Variants in PARD3B observed in about 807,000 individuals in gnomAD.
PARD3B encodes the protein partitioning defective 3 homolog B.
In PARD3B, 103 loss-of-function variants were observed where a neutral mutation model predicts 130.2. The observed-to-expected ratio is 0.79, with a 90% confidence interval of 0.67 to 0.93. PARD3B has a LOEUF of 0.93. Among genes scored for constraint, PARD3B ranks in the 40% least tolerant of loss-of-function variants. The pLI is 0.00. For synonymous variants in PARD3B, 583 were observed against 553.2 expected (o/e 1.05, Z -0.76); for missense variants, 1,609 against 1,499.2 (o/e 1.07, Z -1.21).
At chr2:204,594,982 A>G (rs1395987081) in intron 1 of PARD3B, among the ~76,000 whole-genome samples, 1 of 152,142 alleles carries the variant, frequency 6.6e-6, no homozygotes, top group African/African-American at 2.4e-5. Flanking sequence ...ATCTGACTAG[A>G]GAAATGTCTG....
rs1257392401 is a variant in PARD3B at position 204,836,469 on chromosome 2, C to A, written c.223-128683C>A. ...CCAGAGCTCAGGAGTTTGAGACCACCCTGGGCAACATGGCAAAACCCCGTC... is the reference window on the plus strand; with the variant it reads ...CCAGAGCTCAGGAGTTTGAGACCACACTGGGCAACATGGCAAAACCCCGTC... On this transcript the variant is annotated intron_variant, in intron 2 of 22. Transcript: ENST00000406610. Among the ~76,000 whole-genome samples the A allele has an allele frequency of 2.0e-5, 3 of 152,058 alleles. No individual in the cohort carries two copies. In the East Asian group the frequency reaches 5.8e-4, roughly 29 times the overall value.
chr2:204,903,488 A>T (rs2046940063), intron 2 of PARD3B, among the ~76,000 whole-genome samples: 2 of 152,230 alleles, frequency 1.3e-5, no homozygotes, highest in African/African-American at 4.8e-5. Flanking sequence ...AAACTTATCC[A>T]TCTCTTCAAA....
At chr2:205,364,657 A>G (rs183791807) in intron 18 of PARD3B, among the ~76,000 whole-genome samples, 2 of 152,308 alleles carry the variant, frequency 1.3e-5, no homozygotes, top group East Asian at 3.9e-4. Context: ...CAATTGGAGT[A>G]TGCTTAAATG....
At chr2:204,590,751 G>T (rs1468394224) in intron 1 of PARD3B, among the ~76,000 whole-genome samples, 1 of 152,174 alleles carries the variant, frequency 6.6e-6, no homozygotes, top group Non-Finnish European at 1.5e-5. Flanking sequence ...ATAAAGTGTT[G>T]AAGTCTCTGT....
rs1436616206 is a variant in PARD3B at position 205,011,320 on chromosome 2, G to A, written c.395-36261G>A. 6.6e-6 allele frequency among the ~76,000 whole-genome samples: 1 copy of A among 152,118 alleles called. No individual in the cohort carries two copies. The highest frequency in any genetic ancestry group is 2.4e-5 in the African/African-American group (1 of 41,416). On this transcript the variant is annotated intron_variant, in intron 3 of 22. Transcript: ENST00000406610. The surrounding 1 kb of genome is among the most constrained non-coding windows in gnomAD (Gnocchi z 4.1). ...GCTGTCATCTCAAGGATGGGTCAGA[G>A]GGCTCACTCCTCAGCTCACATGTGT...
chr2:205,607,896 A>G (rs2055072752), intron 22 of PARD3B, among the ~76,000 whole-genome samples: 2 of 150,850 alleles, frequency 1.3e-5, no homozygotes, highest in Non-Finnish European at 3.0e-5. Context: ...ATGAAGATGG[A>G]AGTGTTTAAG....
In PARD3B at chr2:205,341,271, T is replaced by C. The variant is rs1472451590; in HGVS notation, c.2630+39570T>C. On this transcript the variant is annotated intron_variant, in intron 18 of 22. Transcript: ENST00000406610. This position sits in a 1 kb window ranked among gnomAD's most constrained non-coding sequence, Gnocchi z 4.3. ...TTTTTAAAGGAAAGGAGTCAGTATA[T>C]CAAAGGGATACCTGCACCCGCATGT... 1.3e-5 allele frequency among the ~76,000 whole-genome samples: 2 copies of C among 152,100 alleles called. No homozygotes were observed. Among genetic ancestry groups the C allele is most frequent in the East Asian group, 3.9e-4 (2 of 5,166 alleles).
At chr2:205,118,884 T>G (rs748360959) in intron 6 of PARD3B, 37 bp from the exon 7 acceptor site, 8 of 1,353,748 alleles carry the variant, frequency 5.9e-6, no homozygotes, top group Non-Finnish European at 8.1e-6. Context: ...GCATTTATTA[T>G]TCAGTAATTA....
intron 14 of PARD3B, among the ~76,000 whole-genome samples, chr2:205,191,156 C>T (rs1214685557): frequency 6.6e-6 from 1 of 150,540 alleles, no homozygotes; most frequent in African/African-American, 2.4e-5. Flanking sequence ...CATGTGAAAT[C>T]TCTTCATTGG....
At chr2:204,621,617 A>G (rs1249692639) in intron 1 of PARD3B, among the ~76,000 whole-genome samples, 1 of 152,176 alleles carries the variant, frequency 6.6e-6, no homozygotes, top group African/African-American at 2.4e-5. Context: ...ATAAAGCGGT[A>G]TATTTAACTT....
chr2:205,104,538 A>T (rs1232578130), intron 5 of PARD3B, 24 bp downstream of exon 5: 5 of 1,356,256 alleles, frequency 3.7e-6, no homozygotes, highest in Non-Finnish European at 5.3e-6. Flanking sequence ...ACAGATAAGA[A>T]TATCTGATTT....
At position 204,967,349 on chromosome 2, in the gene PARD3B, CAATT is replaced by C. The variant is rs1192596684; in HGVS notation, c.394+2028_394+2031del. On this transcript the variant is annotated intron_variant, in intron 3 of 22. Coordinates refer to ENST00000406610, the MANE Select transcript of PARD3B (RefSeq NM_001302769.2). This position sits in a 1 kb window ranked among gnomAD's most constrained non-coding sequence, Gnocchi z 4.4. ...CCACAGCAGGCCAGAGCTTTGCCAT[CAATT>C]AGACTATTGCAGAGGCCTCAGACTG... Among the ~76,000 whole-genome samples the C allele has an allele frequency of 2.0e-5, 3 of 152,204 alleles. No homozygotes were observed. Among genetic ancestry groups the C allele is most frequent in the South Asian group, 4.1e-4 (2 of 4,832 alleles).
chr2:205,502,162 C>T (rs1416017206), intron 21 of PARD3B, among the ~76,000 whole-genome samples: 2 of 152,158 alleles, frequency 1.3e-5, no homozygotes, highest in Admixed American at 6.5e-5. Context: ...GTTTCCTTTC[C>T]TGAGTGTCTT....
Position 205,158,996 on chromosome 2 carries a change from A to G in PARD3B, c.1620+89A>G, listed in dbSNP as rs2034351427. On this transcript the variant is annotated intron_variant, in intron 11 of 22. Transcript: ENST00000406610. This position sits in a 1 kb window ranked among gnomAD's most constrained non-coding sequence, Gnocchi z 5.4. ...AGAGACTGAATGGAGAAAGTGTCTG[A>G]AGACTTGAGGCCACTGAGACTTTCC... 1.4e-6 allele frequency: 2 copies of G among 1,427,382 alleles called. No individual in the cohort carries two copies. The highest frequency in any genetic ancestry group is 4.6e-5 in the East Asian group (2 of 43,318). 88.4% of individuals were successfully genotyped at this position (1,427,382 alleles called of 1,614,324 possible).
intron 21 of PARD3B, among the ~76,000 whole-genome samples, chr2:205,511,988 G>T (rs563694737): frequency 5.9e-5 from 9 of 152,268 alleles, no homozygotes; most frequent in African/African-American, 1.7e-4. Context: ...AACTAGTCTG[G>T]TGTTGTGATG....
chr2:205,212,709 C>T lies in PARD3B; in HGVS notation c.2140+19389C>T, dbSNP rs186442890. Among the ~76,000 whole-genome samples, 112 of 152,232 alleles carry T rather than the reference C, an allele frequency of 7.4e-4. 2 individuals are homozygous for T. In the South Asian group the frequency reaches 8.9e-3, roughly 12 times the overall value. On this transcript the variant is annotated intron_variant, in intron 15 of 22. Transcript: ENST00000406610. ...TGATGATAGAATGTAACTGACAGCA[C>T]TGCAATATGCCTCCAAAAGAATGGC... is the stretch of plus-strand genomic sequence containing the variant.
intron 2 of PARD3B, among the ~76,000 whole-genome samples, chr2:204,838,750 G>A (rs1286935377): frequency 1.3e-5 from 2 of 152,150 alleles, no homozygotes; most frequent in Non-Finnish European, 2.9e-5. Context: ...AAATATTTGA[G>A]ATGATGGATA....
chr2:205,057,370 TTATATACATATACATATATACA>T (rs1699720633), intron 4 of PARD3B, among the ~76,000 whole-genome samples: 3 of 97,198 alleles, frequency 3.1e-5, no homozygotes, highest in African/African-American at 6.3e-5. Context: ...TGTATATGTG[TTATATACATATACATATATACA>T]TGTATATGTG....
At chr2:204,945,244 C>T (rs1385900413) in intron 2 of PARD3B, among the ~76,000 whole-genome samples, 1 of 152,124 alleles carries the variant, frequency 6.6e-6, no homozygotes, top group Admixed American at 6.5e-5. Flanking sequence ...TCCTGAGGGG[C>T]TCTGGGTTCC....
Sources: gnomAD v4.1 joint callset for allele counts (sites outside exome capture counted in the v4.1 genomes callset) on GRCh38, gnomAD v4.1.1 for gene constraint, Gnocchi (gnomAD v3.1) non-coding constraint, MANE v1.5 for transcripts, NCBI Gene and HGNC (gene_info 2026-07-23, HGNC 2026-07-21) for gene names.